Variants in DIS3 observed in about 807,000 individuals in gnomAD.
DIS3 encodes DIS3 exosome endoribonuclease and 3'-5' exoribonuclease.
A neutral mutation model predicts 113.0 loss-of-function variants in DIS3; 103 were observed. The ratio of observed to expected loss-of-function variants is 0.91; its 90% confidence interval spans 0.78 to 1.07. The LOEUF is 1.07. DIS3 is among the 50% of genes least tolerant of loss of function. The pLI, the probability that DIS3 is intolerant of heterozygous loss-of-function variation, is 0.00. For synonymous variants in DIS3, 402 were observed against 394.3 expected (o/e 1.02, Z -0.23); for missense variants, 1,121 against 1,167.1 (o/e 0.96, Z 0.58).
Position 72,756,727 on chromosome 13 carries a change from T to C in DIS3, c.*3068A>G, listed in dbSNP as rs1327809093. The C allele has an allele frequency of 6.6e-6, 1 of 152,220 alleles. No individual in the cohort carries two copies. Among genetic ancestry groups the C allele is most frequent in the Non-Finnish European group, 1.5e-5 (1 of 68,086 alleles). 9.4% of individuals were successfully genotyped at this position (152,220 alleles called of 1,614,324 possible). Reference sequence around the variant, plus strand: ...TGAAGGTTTTATAAGCGTCTGGCATTTCCACTGCTGGCAGTCATTTTCATC... The same window carrying C: ...TGAAGGTTTTATAAGCGTCTGGCATCTCCACTGCTGGCAGTCATTTTCATC... On this transcript the variant is annotated 3_prime_UTR_variant, in exon 21 of 21. Coordinates refer to ENST00000377767, the MANE Select transcript of DIS3 (RefSeq NM_014953.5).
At chr13:72,777,633 G>T (rs1023612499) in intron 3 of DIS3, 140 bp from the exon 4 acceptor site, 24 of 750,028 alleles carry the variant, frequency 3.2e-5, no homozygotes, top group Non-Finnish European at 4.9e-5. Flanking sequence ...TGTCTCTCAG[G>T]CTGGAGTGCA....
chr13:72,753,795 A>G lies in DIS3; in HGVS notation c.*6000T>C, dbSNP rs2033350342. On this transcript the variant is annotated 3_prime_UTR_variant, in exon 21 of 21. Transcript: ENST00000377767. ...TGATGCACAAACATGTGAAGTTGAG[A>G]GTAAATCTCAAGCATTTAATATGAA... 9.3e-6 allele frequency: 15 copies of G among 1,613,176 alleles called. No homozygotes were observed. The highest frequency in any genetic ancestry group is 1.3e-5 in the Non-Finnish European group (15 of 1,179,418).
rs2033915828 is a variant in DIS3 at position 72,772,720 on chromosome 13, T to C, written c.1359A>G (p.Pro453=). 1.9e-6 allele frequency: 3 copies of C among 1,611,840 alleles called. No homozygotes were observed. Among genetic ancestry groups the C allele is most frequent in the South Asian group, 1.1e-5 (1 of 90,452 alleles). ...TTTCAGTAATGCTCCAGGGCATCTTTGGCAGAAAACTAAGAACAGCCTGTG... is the reference window on the plus strand; with the variant it reads ...TTTCAGTAATGCTCCAGGGCATCTTCGGCAGAAAACTAAGAACAGCCTGTG... The part of the protein sequence containing the change: ...PFSQAVLSFL[P]KMPWSITEKD... The change falls in exon 9 of 21, where the codon CCA becomes CCG. Residue 453 remains proline (P), a synonymous_variant. Transcript: ENST00000377767.
rs11283932 is a variant in DIS3 at position 72,756,175 on chromosome 13, G to GAATAATTCATATGTACCCTTAGGA, written c.*3619_*3620insTCCTAAGGGTACATATGAATTATT. 0.73 allele frequency: 274,753 copies of GAATAATTCATATGTACCCTTAGGA among 375,220 alleles called. 101,619 individuals are homozygous for GAATAATTCATATGTACCCTTAGGA. Among genetic ancestry groups the GAATAATTCATATGTACCCTTAGGA allele is most frequent in the African/African-American group, 0.81 (39,216 of 48,156 alleles). The allele number at this position is 375,220 out of a possible 1,614,324, so 23.2% of individuals were successfully genotyped here. A position where few individuals can be genotyped will look rare whatever the true frequency, so the allele number is the denominator to read the frequency against. On this transcript the variant is annotated 3_prime_UTR_variant, in exon 21 of 21. Coordinates refer to ENST00000377767, the MANE Select transcript of DIS3 (RefSeq NM_014953.5). ...TTTAAAAACTGTCTCATTCAAAAGG[G>GAATAATTCATATGTACCCTTAGGA]AATAAAGACCTGTGTTATCAATGTG...
chr13:72,756,133 G>A lies in DIS3; in HGVS notation c.*3662C>T. On this transcript the variant is annotated 3_prime_UTR_variant, in exon 21 of 21. Transcript: ENST00000377767. ...TACTATCTTTGGAGAATGTATTTTTGTATTTATAAATCAACTTTTAAAAAC... is the reference window on the plus strand; with the variant it reads ...TACTATCTTTGGAGAATGTATTTTTATATTTATAAATCAACTTTTAAAAAC... 2 of 347,748 alleles carry A rather than the reference G, an allele frequency of 5.8e-6. No individual in the cohort carries two copies. Among genetic ancestry groups the A allele is most frequent in the Non-Finnish European group, 1.0e-5 (2 of 200,892 alleles). The allele number at this position is 347,748 out of a possible 1,614,324, so 21.5% of individuals were successfully genotyped here. A position where few individuals can be genotyped will look rare whatever the true frequency, so the allele number is the denominator to read the frequency against.
At position 72,781,828 on chromosome 13, in the gene DIS3, A is replaced by C. The variant is rs766907214; in HGVS notation, c.5T>G (p.Leu2Arg). The change falls in exon 1 of 21, where the codon CTC (leucine) becomes CGC (arginine). Residue 2 changes from leucine to arginine, a missense_variant. Coordinates refer to ENST00000377767, the MANE Select transcript of DIS3 (RefSeq NM_014953.5). M[L>R]KSKTFLKKTR... ...CTTTTTTAAGAACGTCTTGGACTTGAGCATCTTGCCTCGCCGCGCAGAATC... is the reference window on the plus strand; with the variant it reads ...CTTTTTTAAGAACGTCTTGGACTTGCGCATCTTGCCTCGCCGCGCAGAATC... The C allele has an allele frequency of 3.8e-6, 6 of 1,585,134 alleles. No homozygotes were observed. In the Admixed American group the frequency reaches 8.8e-5, roughly 23 times the overall value.
chr13:72,777,480 T>G lies in DIS3; in HGVS notation c.594A>C (p.Val198=), dbSNP rs914978438. ...GTTCGGGGTTAGCAGTTAGGCTCTT[T>G]ACATATTCTTCACCTGAAAAAATAA... ...GIPAFTCEEY[V]KSLTANPELI... is the part of the protein sequence containing the mutation. Residue 198 remains valine (V), a synonymous_variant, in exon 4 of 21, where the codon GTA becomes GTC. Coordinates refer to ENST00000377767, the MANE Select transcript of DIS3 (RefSeq NM_014953.5). 13 of 1,614,062 alleles carry G rather than the reference T, an allele frequency of 8.1e-6. No individual in the cohort carries two copies. Among genetic ancestry groups the G allele is most frequent in the African/African-American group, 1.3e-5 (1 of 75,048 alleles).
At chr13:72,770,193 G>A (rs1408350618) in intron 13 of DIS3, among the ~76,000 whole-genome samples, 2 of 149,070 alleles carry the variant, frequency 1.3e-5, no homozygotes, top group Non-Finnish European at 3.0e-5. Context: ...GTCTTTTCAA[G>A]TATATATTCT....
Position 72,775,392 on chromosome 13 carries a change from A to G in DIS3, c.823-17T>C, listed in dbSNP as rs773422479. ...TAAGATTATCTGTTTAAAACAACAG[A>G]GGGCACGTGCCCAAATTATTTTTAA... On this transcript the variant is annotated splice_polypyrimidine_tract_variant and intron_variant, in intron 5 of 20. Transcript: ENST00000377767. The G allele has an allele frequency of 1.9e-6, 3 of 1,574,124 alleles. No individual in the cohort carries two copies. The African/African-American group carries it at 4.1e-5, about 22-fold the overall frequency.
chr13:72,765,851 G>T, intron 15 of DIS3, 121 bp downstream of exon 15: 1 of 705,388 alleles, frequency 1.4e-6, no homozygotes, highest in Non-Finnish European at 2.1e-6. Context: ...GCCAAATAAA[G>T]TAGAAATCAT....
chr13:72,781,704 G>C lies in DIS3; in HGVS notation c.129C>G (p.His43Gln). ...GCTGCGGCTCCAGGGCCGGCCCCTC[G>C]TGCGCCCCTCCACACGCTGCGCACC... The part of the protein sequence containing the change: ...APGCAACGGA[H>Q]EGPALEPQPQ... The change falls in exon 1 of 21, where the codon CAC becomes CAG. Residue 43 changes from histidine to glutamine, a missense_variant. Physicochemically the swap from His to Gln is conservative, Grantham distance 24 (BLOSUM62 0). Coordinates refer to ENST00000377767, the MANE Select transcript of DIS3 (RefSeq NM_014953.5). The C allele has an allele frequency of 6.4e-7, 1 of 1,565,728 alleles. No homozygotes were observed. The highest frequency in any genetic ancestry group is 8.6e-7 in the Non-Finnish European group (1 of 1,156,508).
chr13:72,773,657 C>T (rs1007113528), intron 8 of DIS3, 27 bp downstream of exon 8: 58 of 1,587,566 alleles, frequency 3.7e-5, no homozygotes, highest in Non-Finnish European at 5.0e-5. Flanking sequence ...TAAACATCCC[C>T]ACATAAAATT....
chr13:72,771,755 G>A (rs1359342233), intron 11 of DIS3, 40 bp downstream of exon 11: 1 of 1,570,136 alleles, frequency 6.4e-7, no homozygotes, highest in Non-Finnish European at 8.7e-7. Context: ...GAATCCTTAA[G>A]TGTCCATGAC....
At position 72,756,027 on chromosome 13, in the gene DIS3, G is replaced by A. The variant is rs963142930; in HGVS notation, c.*3768C>T. 1 of 398,372 alleles carries A rather than the reference G, an allele frequency of 2.5e-6. No homozygotes were observed. The highest frequency in any genetic ancestry group is 4.4e-6 in the Non-Finnish European group (1 of 225,992). 24.7% of individuals were successfully genotyped at this position (398,372 alleles called of 1,614,324 possible). On this transcript the variant is annotated 3_prime_UTR_variant, in exon 21 of 21. Coordinates refer to ENST00000377767, the MANE Select transcript of DIS3 (RefSeq NM_014953.5). ...AGGCCTGTGAAGTAACACTGGGGCA[G>A]ATATGTATGTTATATACAACTATTT...
At chr13:72,767,703 G>A (rs543961618) in intron 14 of DIS3, among the ~76,000 whole-genome samples, 5 of 152,246 alleles carry the variant, frequency 3.3e-5, no homozygotes, top group East Asian at 3.9e-4. Context: ...CTTGAAATAT[G>A]GCTAGTAAGG....
At chr13:72,761,330 CG>C (rs775685441) in intron 19 of DIS3, 32 bp downstream of exon 19, 1 of 1,565,492 alleles carries the variant, frequency 6.4e-7, no homozygotes, top group Non-Finnish European at 8.6e-7. Context: ...AAGTGCCCCC[CG>C]GAAAAGAAAA....
intron 2 of DIS3, among the ~76,000 whole-genome samples, chr13:72,780,112 G>A (rs1428978552): frequency 4.0e-5 from 6 of 151,818 alleles, no homozygotes; most frequent in Admixed American, 6.6e-5. Flanking sequence ...TGGATCACGA[G>A]GTCAGGAATT....
Position 72,772,211 on chromosome 13 carries a change from G to T in DIS3, c.1451C>A (p.Thr484Asn), listed in dbSNP as rs1443817806. 6.2e-7 allele frequency: 1 copy of T among 1,613,486 alleles called. No individual in the cohort carries two copies. Among genetic ancestry groups the T allele is most frequent in the East Asian group, 2.2e-5 (1 of 44,858 alleles). Residue 484 changes from threonine to asparagine, a missense_variant, in exon 10 of 21, where the codon ACT becomes AAT. By Grantham distance (65) the Thr-to-Asn change is moderately conservative. Around this residue, in one of 3 missense-constraint regions of DIS3, gnomAD observed 861 missense variants for 915.5 expected, o/e 0.94. Transcript: ENST00000377767. The stretch of plus-strand genomic sequence containing the variant: ...ACAATGTAGAGCATCGTCTATATCA[G>T]TACATCCTGGTGGGTCTACACTACA... ...CICSVDPPGC[T>N]DIDDALHCRE...
Position 72,770,988 on chromosome 13 carries a change from C to T in DIS3, c.1671G>A (p.Arg557=), listed in dbSNP as rs779268150. ...TTTCCCAAATACATGAAAATGCCAG[C>T]CTGTGAAGGAAAATACAGAGTATTT... ...NLCSLKCDVD[R]LAFSCIWEMN... Residue 557 remains arginine (R), a splice_region_variant and synonymous_variant, in exon 13 of 21, where the codon AGG becomes AGA. Transcript: ENST00000377767. The T allele has an allele frequency of 2.5e-6, 4 of 1,602,256 alleles. No individual in the cohort carries two copies. Among genetic ancestry groups the T allele is most frequent in the Non-Finnish European group, 3.4e-6 (4 of 1,173,834 alleles).
Sources: gnomAD v4.1 joint callset for allele counts (sites outside exome capture counted in the v4.1 genomes callset) on GRCh38, gnomAD v4.1.1 for gene constraint, gnomAD v4.1.1 regional missense constraint, MANE v1.5 for transcripts, NCBI Gene and HGNC (gene_info 2026-07-23, HGNC 2026-07-21) for gene names.